CNTNAP5: variants seen among roughly 807,000 people sequenced by gnomAD.
CNTNAP5 encodes the protein contactin-associated protein-like 5.
A neutral mutation model predicts 150.2 loss-of-function variants in CNTNAP5; 72 were observed. The ratio of observed to expected loss-of-function variants is 0.48; its 90% confidence interval spans 0.40 to 0.58. The LOEUF (loss-of-function observed/expected upper bound fraction) is 0.58. Ranked by LOEUF, CNTNAP5 falls within the 20% of genes least tolerant of loss-of-function variation. CNTNAP5 has a pLI of 0.00. For missense variants in CNTNAP5, 1,636 were observed against 1,626.2 expected (o/e 1.01, Z -0.10); for synonymous variants, 672 against 619.8 (o/e 1.08, Z -1.25).
intron 4 of CNTNAP5, among the ~76,000 whole-genome samples, chr2:124,425,938 G>A (rs1329261107): frequency 1.3e-5 from 2 of 152,112 alleles, no homozygotes; most frequent in South Asian, 2.1e-4. Context: ...TCCCTAAAAT[G>A]AGTACATTAT....
chr2:124,564,108 A>G (rs1695954012), intron 11 of CNTNAP5, among the ~76,000 whole-genome samples: 1 of 152,230 alleles, frequency 6.6e-6, no homozygotes. Flanking sequence ...GGAGGAAACA[A>G]AAACAAGAAA....
chr2:124,230,969 C>CA (rs2104752635), intron 2 of CNTNAP5, among the ~76,000 whole-genome samples: 1 of 152,270 alleles, frequency 6.6e-6, no homozygotes, highest in African/African-American at 2.4e-5. Flanking sequence ...GCATGGTAAG[C>CA]ATCCAAATCT....
intron 3 of CNTNAP5, among the ~76,000 whole-genome samples, chr2:124,377,632 G>A (rs1190284716): frequency 1.3e-5 from 2 of 149,930 alleles, no homozygotes; most frequent in East Asian, 2.0e-4. Context: ...CCAAGGTCTC[G>A]CCATTGTACT....
At chr2:124,122,792 ACC>A (rs56768761) in intron 1 of CNTNAP5, among the ~76,000 whole-genome samples, 4,901 of 113,292 alleles carry the variant, frequency 0.043, 103 homozygotes, top group Non-Finnish European at 0.061. Context: ...ACACACACAC[ACC>A]CACACCTTTT....
intron 13 of CNTNAP5, among the ~76,000 whole-genome samples, chr2:124,657,362 GT>G (rs1261541155): frequency 6.6e-6 from 1 of 152,030 alleles, no homozygotes; most frequent in Non-Finnish European, 1.5e-5. Context: ...CATCTACTGA[GT>G]TTTTTAAGAC....
chr2:124,258,641 A>G (rs925946615), intron 3 of CNTNAP5, among the ~76,000 whole-genome samples: 4 of 152,132 alleles, frequency 2.6e-5, no homozygotes, highest in Admixed American at 6.5e-5. Flanking sequence ...TCTCTAGTGC[A>G]TATGCAATCC....
intron 3 of CNTNAP5, among the ~76,000 whole-genome samples, chr2:124,362,709 G>A (rs1206523857): frequency 6.6e-6 from 1 of 152,158 alleles, no homozygotes; most frequent in Admixed American, 6.5e-5. Flanking sequence ...AGTTTGCAAG[G>A]CTCAGCCTCA....
intron 19 of CNTNAP5, among the ~76,000 whole-genome samples, chr2:124,819,015 G>A (rs780985148): frequency 1.3e-5 from 2 of 151,934 alleles, no homozygotes; most frequent in African/African-American, 2.4e-5. Context: ...ATGTCACCTT[G>A]TCTGGCAGTC....
At chr2:124,241,821 CAGAG>C (rs141935149) in intron 2 of CNTNAP5, among the ~76,000 whole-genome samples, 16 of 149,358 alleles carry the variant, frequency 1.1e-4, no homozygotes, top group Middle Eastern at 3.4e-3. Context: ...ATATATTAGT[CAGAG>C]AGAGAGAGAG....
At chr2:124,235,051 G>C (rs1686715260) in intron 2 of CNTNAP5, among the ~76,000 whole-genome samples, 1 of 152,138 alleles carries the variant, frequency 6.6e-6, no homozygotes. Context: ...GGGAAGCAGG[G>C]TAAGACAGAG....
intron 1 of CNTNAP5, among the ~76,000 whole-genome samples, chr2:124,071,455 AGACT>A (rs1254953562): frequency 6.6e-6 from 1 of 151,944 alleles, no homozygotes; most frequent in East Asian, 1.9e-4. Flanking sequence ...ACATTTAGCC[AGACT>A]GACTAAGAAA....
intron 13 of CNTNAP5, among the ~76,000 whole-genome samples, chr2:124,736,994 T>C (rs1300992936): frequency 6.6e-6 from 1 of 152,082 alleles, no homozygotes; most frequent in Non-Finnish European, 1.5e-5. Flanking sequence ...TTGTAGTCAG[T>C]ACTCTTAAGA....
intron 1 of CNTNAP5, among the ~76,000 whole-genome samples, chr2:124,033,698 G>A (rs572896598): frequency 6.6e-6 from 1 of 152,208 alleles, no homozygotes. Context: ...GTGCCACAGG[G>A]AACCTGGGAA....
At chr2:124,894,294 G>C (rs962895184) in intron 21 of CNTNAP5, among the ~76,000 whole-genome samples, 3 of 147,522 alleles carry the variant, frequency 2.0e-5, no homozygotes, top group Middle Eastern at 3.2e-3. Context: ...TTCTTCATTG[G>C]AGTAGGATAT....
At chr2:124,418,143 T>A (rs1242922132) in intron 4 of CNTNAP5, among the ~76,000 whole-genome samples, 1 of 152,200 alleles carries the variant, frequency 6.6e-6, no homozygotes, top group Non-Finnish European at 1.5e-5. Flanking sequence ...TAGTGATCAC[T>A]CTAGAATAAG....
intron 13 of CNTNAP5, among the ~76,000 whole-genome samples, chr2:124,713,928 C>T (rs1003244104): frequency 2.0e-5 from 3 of 152,184 alleles, no homozygotes; most frequent in Non-Finnish European, 4.4e-5. Context: ...TGTACTTCAA[C>T]GTTGCCTAAT....
At chr2:124,334,524 G>T (rs1366434295) in intron 3 of CNTNAP5, among the ~76,000 whole-genome samples, 1 of 152,130 alleles carries the variant, frequency 6.6e-6, no homozygotes, top group East Asian at 1.9e-4. Context: ...GTTTTCATGG[G>T]AGAAACAGGA....
intron 1 of CNTNAP5, among the ~76,000 whole-genome samples, chr2:124,076,871 A>G (rs527944059): frequency 1.2e-4 from 18 of 152,166 alleles, no homozygotes; most frequent in African/African-American, 3.9e-4. Flanking sequence ...TATAAAAGCA[A>G]TCAGCCCAAG....
chr2:124,172,853 G>A (rs1397320095), intron 1 of CNTNAP5, among the ~76,000 whole-genome samples: 2 of 151,838 alleles, frequency 1.3e-5, no homozygotes, highest in African/African-American at 2.4e-5. Flanking sequence ...TATATACAGG[G>A]CACCTCACTT....
Sources: gnomAD v4.1 joint callset for allele counts (sites outside exome capture counted in the v4.1 genomes callset) on GRCh38, gnomAD v4.1.1 for gene constraint, MANE v1.5 for transcripts, NCBI Gene and HGNC (gene_info 2026-07-23, HGNC 2026-07-21) for gene names.